Variants in COL19A1 observed in about 807,000 individuals in gnomAD.
COL19A1 encodes collagen type XIX alpha 1 chain.
A neutral mutation model predicts 190.2 loss-of-function variants in COL19A1; 159 were observed. The observed-to-expected ratio is 0.84, with a 90% CI of 0.73 to 0.95. COL19A1 has a LOEUF of 0.95. COL19A1 is among the 40% of genes least tolerant of loss of function. The pLI is 0.00. For missense variants in COL19A1, 1,418 were observed against 1,431.9 expected (o/e 0.99, Z 0.16); for synonymous variants, 509 against 458.9 (o/e 1.11, Z -1.39).
chr6:69,890,519 C>A (rs1311464732), intron 2 of COL19A1: 2 of 152,168 alleles, frequency 1.3e-5, no homozygotes, highest in African/African-American at 4.8e-5. Context: ...CTAGTCCAAG[C>A]TACCATCATA....
At chr6:70,082,310 A>G (rs1782302683) in intron 15 of COL19A1, among the ~76,000 whole-genome samples, 2 of 152,204 alleles carry the variant, frequency 1.3e-5, no homozygotes, top group Non-Finnish European at 2.9e-5. Context: ...TGAGAGTCTA[A>G]AATTACTTCA....
At chr6:70,102,731 A>G (rs1383368612) in intron 16 of COL19A1, among the ~76,000 whole-genome samples, 1 of 152,146 alleles carries the variant, frequency 6.6e-6, no homozygotes, top group Admixed American at 6.6e-5. Context: ...TTCTAGAAAA[A>G]AAAAATATTC....
chr6:69,969,925 C>T (rs895998202), intron 11 of COL19A1, among the ~76,000 whole-genome samples: 3 of 152,176 alleles, frequency 2.0e-5, no homozygotes, highest in Non-Finnish European at 4.4e-5. Context: ...AGGCAGGGAT[C>T]CAAAAAGAGG....
intron 15 of COL19A1, among the ~76,000 whole-genome samples, chr6:70,076,130 G>T (rs561369192): frequency 1.1e-3 from 161 of 152,206 alleles, no homozygotes; most frequent in African/African-American, 3.6e-3. Context: ...AGCCTGGAGA[G>T]GTGAGGGTGG....
chr6:70,192,761 C>T (rs1020592434), intron 48 of COL19A1, among the ~76,000 whole-genome samples: 2 of 152,174 alleles, frequency 1.3e-5, no homozygotes, highest in South Asian at 4.1e-4. Flanking sequence ...GTAAACTAAA[C>T]ATGGGGCCCT....
chr6:70,177,870 G>T (rs1042070213), intron 42 of COL19A1, among the ~76,000 whole-genome samples: 6 of 152,080 alleles, frequency 3.9e-5, no homozygotes, highest in African/African-American at 1.4e-4. Flanking sequence ...ATTACATTTT[G>T]CTATTACCCT....
chr6:70,118,272 C>T (rs1407286314), intron 16 of COL19A1, among the ~76,000 whole-genome samples: 3 of 152,130 alleles, frequency 2.0e-5, no homozygotes, highest in African/African-American at 7.2e-5. Flanking sequence ...ATTCTGAAAC[C>T]CCAAGGTTGT....
chr6:70,105,100 T>C (rs1160736935), intron 16 of COL19A1, among the ~76,000 whole-genome samples: 2 of 152,184 alleles, frequency 1.3e-5, no homozygotes, highest in African/African-American at 4.8e-5. Flanking sequence ...CATTAAATCC[T>C]GGGAACATAA....
At chr6:70,141,033 G>T (rs1786219431) in intron 20 of COL19A1, 44 bp downstream of exon 20, 1 of 1,536,036 alleles carries the variant, frequency 6.5e-7, no homozygotes, top group South Asian at 1.2e-5. Flanking sequence ...CTACTTCATT[G>T]ATTTGTTTCT....
chr6:69,933,933 T>TAAGTAA (rs1455208076), intron 7 of COL19A1, among the ~76,000 whole-genome samples: 1 of 152,028 alleles, frequency 6.6e-6, no homozygotes, highest in East Asian at 1.9e-4. Flanking sequence ...AAAGAGCATA[T>TAAGTAA]GAAAAGTGCA....
At chr6:70,145,722 C>CTTTTTTTTTTTT (rs56306364) in intron 25 of COL19A1, among the ~76,000 whole-genome samples, 2 of 128,170 alleles carry the variant, frequency 1.6e-5, no homozygotes, top group African/African-American at 2.9e-5. Context: ...CTTATTGTTT[C>CTTTTTTTTTTTT]TTTTTTTTTT....
chr6:70,125,956 T>C (rs1210491410), intron 17 of COL19A1, among the ~76,000 whole-genome samples: 1 of 151,962 alleles, frequency 6.6e-6, no homozygotes, highest in Non-Finnish European at 1.5e-5. Flanking sequence ...ACACTTTAAA[T>C]GGAGAAAAAA....
intron 12 of COL19A1, among the ~76,000 whole-genome samples, chr6:70,027,720 A>T (rs1257985926): frequency 2.6e-5 from 4 of 152,204 alleles, no homozygotes; most frequent in Non-Finnish European, 5.9e-5. Context: ...TTGCTAGAAA[A>T]TTTAACCTTG....
intron 17 of COL19A1, among the ~76,000 whole-genome samples, chr6:70,123,090 T>A (rs1384617329): frequency 6.6e-6 from 1 of 152,062 alleles, no homozygotes; most frequent in Non-Finnish European, 1.5e-5. Flanking sequence ...GAATCTACAA[T>A]GAACTCAAAC....
rs182903709 is a variant in COL19A1, at chr6:69,978,223, G to A, written c.1026+15353G>A. ...GAAGTATAGCTGTTGCCAGATACAC[G>A]TATACATATAGATACATATACATAC... On this transcript the variant is annotated intron_variant, in intron 11 of 50. Coordinates refer to ENST00000620364, the MANE Select transcript of COL19A1 (RefSeq NM_001858.6). Among the ~76,000 whole-genome samples, 141 of 152,104 alleles carry A rather than the reference G, an allele frequency of 9.3e-4. 1 individual carries two copies. Among genetic ancestry groups the A allele is most frequent in the African/African-American group, 3.3e-3 (136 of 41,482 alleles).
At chr6:70,049,882 T>G (rs1381238881) in intron 14 of COL19A1, among the ~76,000 whole-genome samples, 1 of 152,140 alleles carries the variant, frequency 6.6e-6, no homozygotes, top group African/African-American at 2.4e-5. Flanking sequence ...AATTCAATTC[T>G]ATTCTAAGCA....
intron 11 of COL19A1, among the ~76,000 whole-genome samples, chr6:70,016,390 GA>G (rs1399901785): frequency 0.032 from 3,099 of 95,618 alleles, 126 homozygotes; most frequent in Non-Finnish European, 0.042. Flanking sequence ...AAAAACACAT[GA>G]AAAAAAAAAA....
chr6:70,199,811 GA>G, intron 49 of COL19A1, 75 bp downstream of exon 49: 2 of 1,444,700 alleles, frequency 1.4e-6, no homozygotes, highest in Non-Finnish European at 1.9e-6. Flanking sequence ...CACAGTTAAG[GA>G]AAAAAGTATG....
chr6:70,031,760 C>T (rs1293716032), intron 12 of COL19A1, among the ~76,000 whole-genome samples: 1 of 152,068 alleles, frequency 6.6e-6, no homozygotes, highest in Admixed American at 6.6e-5. Flanking sequence ...TCTGAAACAA[C>T]AAATGTCACC....
Sources: allele counts gnomAD v4.1 joint callset (sites outside exome capture counted in the v4.1 genomes callset), GRCh38; gene constraint gnomAD v4.1.1; transcripts MANE v1.5; gene names NCBI Gene and HGNC (gene_info 2026-07-23, HGNC 2026-07-21).